PHF3: variants seen among roughly 807,000 people sequenced by gnomAD.
PHF3 encodes the protein PHD finger protein 3.
A neutral mutation model predicts 178.4 loss-of-function variants in PHF3; 41 were observed. The ratio of observed to expected loss-of-function variants is 0.23; its 90% confidence interval spans 0.18 to 0.30. The LOEUF (loss-of-function observed/expected upper bound fraction) is 0.30. PHF3 is among the 10% of genes least tolerant of loss of function. The probability of loss-of-function intolerance (pLI) is 1.00; values close to 1 mark genes in which losing one functional copy is unlikely to be tolerated. For synonymous variants in PHF3, 842 were observed against 800.5 expected (o/e 1.05, Z -0.88); for missense variants, 2,346 against 2,398.1 (o/e 0.98, Z 0.45).
intron 8 of PHF3, among the ~76,000 whole-genome samples, chr6:63,698,916 T>G (rs1767352146): frequency 6.6e-6 from 1 of 152,174 alleles, no homozygotes; most frequent in Non-Finnish European, 1.5e-5. Flanking sequence ...ACTTTTAAGC[T>G]AAAATTTATA....
intron 5 of PHF3, 115 bp downstream of exon 5, chr6:63,692,158 T>G: frequency 2.4e-6 from 2 of 816,906 alleles, no homozygotes; most frequent in Non-Finnish European, 3.7e-6. Context: ...CATTTTCAAA[T>G]TTAGTTTTCC....
chr6:63,702,721 AG>A, intron 10 of PHF3, 82 bp downstream of exon 10: 2 of 1,391,926 alleles, frequency 1.4e-6, no homozygotes, highest in Admixed American at 4.4e-5. Flanking sequence ...TTTAAAGTAG[AG>A]AAAAGAATTT....
intron 2 of PHF3, among the ~76,000 whole-genome samples, chr6:63,652,250 A>G (rs1765049829): frequency 6.6e-6 from 1 of 152,114 alleles, no homozygotes; most frequent in African/African-American, 2.4e-5. Flanking sequence ...GGATGAGATG[A>G]TATCTCATTG....
At position 63,721,883 on chromosome 6, in the gene PHF3, GT is replaced by G; in HGVS notation, c.*8179del. 7.8e-7 allele frequency: 1 copy of G among 1,286,120 alleles called. No homozygotes were observed. Among genetic ancestry groups the G allele is most frequent in the Non-Finnish European group, 1.1e-6 (1 of 951,332 alleles). 79.7% of individuals were successfully genotyped at this position (1,286,120 alleles called of 1,614,324 possible). On this transcript the variant is annotated 3_prime_UTR_variant, in exon 16 of 16. Transcript: ENST00000262043. ...TGCTGTTTCTGGCCAAGTTGGATAA[GT>G]TTTAGTTATGGGGAAAAAAGTAACA...
rs534126817 is a variant in PHF3, at chr6:63,709,972, A to G, written c.3801+732A>G. Among the ~76,000 whole-genome samples, 30 of 152,214 alleles carry G rather than the reference A, an allele frequency of 2.0e-4. 1 individual carries two copies. The South Asian group carries it at 6.2e-3, about 32-fold the overall frequency. ...CTACAGAGGAAAATTTAATCATTAG[A>G]AGAAATTGTTTTTCCCTCCACGGGA... On this transcript the variant is annotated intron_variant, in intron 14 of 15. Transcript: ENST00000262043.
intron 11 of PHF3, among the ~76,000 whole-genome samples, 191 bp from the exon 12 acceptor site, chr6:63,705,838 G>T (rs924825213): frequency 6.6e-6 from 1 of 152,192 alleles, no homozygotes; most frequent in Non-Finnish European, 1.5e-5. Context: ...GAGAACACTA[G>T]TGAATTTTCT....
At chr6:63,682,893 T>C (rs1222435753) in intron 3 of PHF3, among the ~76,000 whole-genome samples, 1 of 152,084 alleles carries the variant, frequency 6.6e-6, no homozygotes, top group Non-Finnish European at 1.5e-5. Flanking sequence ...TTAAAATCCT[T>C]CATTTGTTTC....
intron 2 of PHF3, among the ~76,000 whole-genome samples, chr6:63,653,493 T>A (rs1765107557): frequency 6.6e-6 from 1 of 152,148 alleles, no homozygotes; most frequent in South Asian, 2.1e-4. Flanking sequence ...CCCACTAGTT[T>A]ATTTTGGTAT....
intron 2 of PHF3, among the ~76,000 whole-genome samples, chr6:63,677,887 T>C: frequency 6.6e-6 from 1 of 152,306 alleles, no homozygotes. Context: ...TCTTAAAATT[T>C]ATGTATTTAA....
At position 63,721,222 on chromosome 6, in the gene PHF3, A is replaced by G; in HGVS notation, c.*7514A>G. The G allele has an allele frequency of 6.4e-7, 1 of 1,551,784 alleles. No individual in the cohort carries two copies. Among genetic ancestry groups the G allele is most frequent in the Middle Eastern group, 1.7e-4 (1 of 5,998 alleles). ...CCCACCCAACCCAAAGTACACAGGC[A>G]ACTGTAAGAAAATGATTGGTCAGGT... On this transcript the variant is annotated 3_prime_UTR_variant, in exon 16 of 16. Transcript: ENST00000262043.
In PHF3 at chr6:63,718,514, A is replaced by G. The variant is rs1278757537; in HGVS notation, c.*4806A>G. ...AGTTAACTTCCAAACTAATTTAGTA[A>G]GAAGAGTGTCATTGTCTTGATTTTT... is the stretch of plus-strand genomic sequence containing the variant. On this transcript the variant is annotated 3_prime_UTR_variant, in exon 16 of 16. Coordinates refer to ENST00000262043, the MANE Select transcript of PHF3 (RefSeq NM_001370348.2). 6.6e-6 allele frequency among the ~76,000 whole-genome samples: 1 copy of G among 152,090 alleles called. No homozygotes were observed. The highest frequency in any genetic ancestry group is 1.5e-5 in the Non-Finnish European group (1 of 67,966).
chr6:63,656,011 C>T (rs1195544326), intron 2 of PHF3, among the ~76,000 whole-genome samples: 1 of 152,152 alleles, frequency 6.6e-6, no homozygotes, highest in Non-Finnish European at 1.5e-5. Flanking sequence ...TTGCTGCAGC[C>T]ATCCTTAATA....
At chr6:63,640,056 A>G (rs1486606355) in intron 1 of PHF3, among the ~76,000 whole-genome samples, 2 of 152,196 alleles carry the variant, frequency 1.3e-5, no homozygotes, top group African/African-American at 4.8e-5. Flanking sequence ...TGCAGCAGAC[A>G]CTTTGATATC....
intron 2 of PHF3, among the ~76,000 whole-genome samples, chr6:63,668,091 C>G (rs572077864): frequency 6.6e-6 from 1 of 152,304 alleles, no homozygotes; most frequent in African/African-American, 2.4e-5. Context: ...TCGCTGGAGT[C>G]AGTTGTAGCA....
Position 63,684,133 on chromosome 6 carries a change from A to G in PHF3, c.411A>G (p.Gln137=), listed in dbSNP as rs1561963281. Residue 137 remains glutamine, a synonymous_variant, in exon 4 of 16, where the codon CAA becomes CAG. Transcript: ENST00000262043. ...RKSPRLMAQE[Q]VRSLRQSTIA... The stretch of plus-strand genomic sequence containing the variant: ...TATTTTTTCCCCCTGTGATAGAACA[A>G]GTAAGAAGTTTGCGACAGAGCACTA... 1 of 1,594,820 alleles carries G rather than the reference A, an allele frequency of 6.3e-7. No homozygotes were observed. The highest frequency in any genetic ancestry group is 8.5e-7 in the Non-Finnish European group (1 of 1,173,526).
At chr6:63,654,911 G>A (rs1322820247) in intron 2 of PHF3, among the ~76,000 whole-genome samples, 1 of 62,582 alleles carries the variant, frequency 1.6e-5, no homozygotes, top group African/African-American at 7.5e-5. Flanking sequence ...TTTTTTTTTC[G>A]AGATGGGGCT....
At chr6:63,679,430 G>A (rs957325936) in intron 2 of PHF3, among the ~76,000 whole-genome samples, 15 of 151,748 alleles carry the variant, frequency 9.9e-5, no homozygotes, top group African/African-American at 3.6e-4. Context: ...TTGGGGGAAG[G>A]GGAAGTTACA....
At chr6:63,681,937 C>G (rs1766457729) in intron 3 of PHF3, among the ~76,000 whole-genome samples, 1 of 151,986 alleles carries the variant, frequency 6.6e-6, no homozygotes, top group South Asian at 2.1e-4. Context: ...TTGGCAGAAC[C>G]CTTCCTATCA....
At chr6:63,686,234 A>T (rs753930918) in intron 4 of PHF3, 5 of 269,286 alleles carry the variant, frequency 1.9e-5, no homozygotes, top group Non-Finnish European at 3.5e-5. Flanking sequence ...GTAATTGGAA[A>T]ATTGTTATAC....
Sources: allele counts gnomAD v4.1 joint callset (sites outside exome capture counted in the v4.1 genomes callset), GRCh38; gene constraint gnomAD v4.1.1; transcripts MANE v1.5; gene names NCBI Gene and HGNC (gene_info 2026-07-23, HGNC 2026-07-21).